Variants in PAK5 observed in about 807,000 individuals in gnomAD.
PAK5 encodes p21 (RAC1) activated kinase 5.
A neutral mutation model predicts 65.9 loss-of-function variants in PAK5; 16 were observed. The ratio of observed to expected loss-of-function variants is 0.24; its 90% CI spans 0.16 to 0.37. PAK5 has a LOEUF of 0.37. Ranked by LOEUF, PAK5 falls within the 10% of genes least tolerant of loss-of-function variation. The pLI is 1.00. For missense variants in PAK5, 785 were observed against 903.9 expected (o/e 0.87, Z 1.69); for synonymous variants, 371 against 354.9 (o/e 1.05, Z -0.51).
chr20:9,773,273 T>C (rs2048853790), intron 1 of PAK5, among the ~76,000 whole-genome samples: 2 of 152,176 alleles, frequency 1.3e-5, no homozygotes, highest in Admixed American at 6.5e-5. Flanking sequence ...AGTTCTAGGG[T>C]ACATGTGCAC....
intron 1 of PAK5, among the ~76,000 whole-genome samples, chr20:9,789,122 T>C (rs1336083984): frequency 4.6e-5 from 7 of 151,382 alleles, no homozygotes; most frequent in Non-Finnish European, 1.0e-4. Flanking sequence ...TTTGTAGAAG[T>C]TTGTACTGGC....
intron 3 of PAK5, among the ~76,000 whole-genome samples, chr20:9,602,915 A>G (rs369702420): frequency 1.3e-5 from 2 of 152,352 alleles, no homozygotes; most frequent in East Asian, 1.9e-4. Context: ...AAAGCAAGCA[A>G]ACAAAACAAA....
intron 1 of PAK5, among the ~76,000 whole-genome samples, chr20:9,815,140 G>A (rs78757401): frequency 0.16 from 23,862 of 152,028 alleles, 2,453 homozygotes; most frequent in Non-Finnish European, 0.22. Flanking sequence ...TCTCTCCTTC[G>A]AGAATGGCAC....
intron 3 of PAK5, among the ~76,000 whole-genome samples, chr20:9,640,596 C>A (rs1455391490): frequency 6.6e-6 from 1 of 152,176 alleles, no homozygotes; most frequent in Non-Finnish European, 1.5e-5. Flanking sequence ...CTTGGTCTCA[C>A]TGACTTCAAG....
At chr20:9,801,957 C>T (rs1049920012) in intron 1 of PAK5, among the ~76,000 whole-genome samples, 1 of 152,078 alleles carries the variant, frequency 6.6e-6, no homozygotes, top group Non-Finnish European at 1.5e-5. Context: ...AGAGCCAATA[C>T]AAAAATGCTT....
rs112782005 is a variant in PAK5 at position 9,607,342 on chromosome 20, G to A, written c.205-26412C>T. On this transcript the variant is annotated intron_variant, in intron 3 of 9. Coordinates refer to ENST00000353224, the MANE Select transcript of PAK5 (RefSeq NM_177990.4). Reference sequence around the variant, plus strand: ...GCCTGTGCTCTTCAGAAGTGCCAAGGCCAATATAAAGAAAGGCTGAGGAAC... The same window carrying A: ...GCCTGTGCTCTTCAGAAGTGCCAAGACCAATATAAAGAAAGGCTGAGGAAC... 1.0e-3 allele frequency among the ~76,000 whole-genome samples: 152 copies of A among 152,326 alleles called. 1 individual carries two copies. Among genetic ancestry groups the A allele is most frequent in the African/African-American group, 3.4e-3 (142 of 41,570 alleles).
At chr20:9,702,589 C>T (rs2047953579) in intron 2 of PAK5, among the ~76,000 whole-genome samples, 1 of 152,160 alleles carries the variant, frequency 6.6e-6, no homozygotes, top group Non-Finnish European at 1.5e-5. Flanking sequence ...CATCTCTGAA[C>T]TGACTTAGAT....
At chr20:9,684,522 T>C (rs1482691984) in intron 2 of PAK5, among the ~76,000 whole-genome samples, 1 of 152,224 alleles carries the variant, frequency 6.6e-6, no homozygotes, top group African/African-American at 2.4e-5. Context: ...CAGTTTTCTT[T>C]ATTATGAAGC....
chr20:9,577,518 GA>G (rs2045907061), intron 4 of PAK5: 1 of 152,062 alleles, frequency 6.6e-6, no homozygotes, highest in Non-Finnish European at 1.5e-5. Context: ...CCTCCTTTAG[GA>G]GTCTCTGCAA....
intron 2 of PAK5, among the ~76,000 whole-genome samples, chr20:9,652,070 G>C (rs73240967): frequency 0.012 from 1,829 of 152,186 alleles, 28 homozygotes; most frequent in African/African-American, 0.042. Flanking sequence ...TCTTTTCTTA[G>C]CCTCAGATCT....
At position 9,539,088 on chromosome 20, in the gene PAK5, C is replaced by CT. The variant is rs556134977; in HGVS notation, c.*373dup. 0.18 allele frequency: 37,735 copies of CT among 210,894 alleles called. 4,275 individuals carry two copies. Among genetic ancestry groups the CT allele is most frequent in the African/African-American group, 0.41 (16,640 of 40,638 alleles). The allele number at this position is 210,894 out of a possible 1,614,324, so 13.1% of individuals were successfully genotyped here. ...AAGTGCTTTTTGTTTTCCTTTCTTT[C>CT]TTTTTTTTTTTTTTTTGCCAGAAAA... On this transcript the variant is annotated 3_prime_UTR_variant, in exon 10 of 10. Transcript: ENST00000353224.
chr20:9,565,758 A>G, intron 5 of PAK5, 135 bp downstream of exon 5: 1 of 889,252 alleles, frequency 1.1e-6, no homozygotes, highest in East Asian at 2.4e-5. Context: ...AGAAGGAAAT[A>G]TTACAGGGGA....
At chr20:9,766,497 TATATATATATATATATTCAAGCAGA>T (rs2048768724) in intron 1 of PAK5, among the ~76,000 whole-genome samples, 1 of 33,614 alleles carries the variant, frequency 3.0e-5, no homozygotes, top group African/African-American at 2.5e-4. Context: ...TCAAGCAGAA[TATATATATATATATATTCAAGCAGA>T]ATATATATAT....
chr20:9,710,960 C>T (rs896998502), intron 2 of PAK5, among the ~76,000 whole-genome samples: 1 of 152,184 alleles, frequency 6.6e-6, no homozygotes, highest in Non-Finnish European at 1.5e-5. Flanking sequence ...TCAGCTCAAA[C>T]TCTCTAAGTG....
chr20:9,815,448 C>T (rs1364747921), intron 1 of PAK5, among the ~76,000 whole-genome samples: 1 of 152,176 alleles, frequency 6.6e-6, no homozygotes, highest in Non-Finnish European at 1.5e-5. Flanking sequence ...TCCCTCCCTT[C>T]TGAAGCAGCT....
chr20:9,733,041 CCTA>C (rs2048350780), intron 1 of PAK5, among the ~76,000 whole-genome samples: 1 of 152,168 alleles, frequency 6.6e-6, no homozygotes, highest in Admixed American at 6.5e-5. Context: ...TCTGGAAGAA[CCTA>C]CTTTCTCAGA....
At chr20:9,764,197 C>G (rs995838414) in intron 1 of PAK5, among the ~76,000 whole-genome samples, 4 of 152,082 alleles carry the variant, frequency 2.6e-5, no homozygotes, top group Non-Finnish European at 5.9e-5. Context: ...TGTTGGCTTC[C>G]ATGACATTGA....
At chr20:9,662,758 A>G (rs947717018) in intron 2 of PAK5, among the ~76,000 whole-genome samples, 5 of 152,024 alleles carry the variant, frequency 3.3e-5, no homozygotes, top group African/African-American at 1.2e-4. Context: ...AATGGGCATT[A>G]CTCTAATATA....
At chr20:9,675,351 G>T (rs528984325) in intron 2 of PAK5, among the ~76,000 whole-genome samples, 55 of 152,196 alleles carry the variant, frequency 3.6e-4, no homozygotes, top group African/African-American at 1.3e-3. Context: ...ACAGCTTGGG[G>T]GTGACAAAGC....
Sources: gnomAD v4.1 joint callset for allele counts (sites outside exome capture counted in the v4.1 genomes callset) on GRCh38, gnomAD v4.1.1 for gene constraint, MANE v1.5 for transcripts, NCBI Gene and HGNC (gene_info 2026-07-23, HGNC 2026-07-21) for gene names.